Variants in PRKN observed in about 807,000 individuals in gnomAD.
PRKN encodes parkin RBR E3 ubiquitin protein ligase, also known as E3 ubiquitin-protein ligase parkin.
A neutral mutation model predicts 59.5 loss-of-function variants in PRKN; 56 were observed. The ratio of observed to expected loss-of-function variants is 0.94; its 90% CI spans 0.76 to 1.18. PRKN has a LOEUF of 1.18. PRKN is among the 50% of genes most tolerant of loss of function. The pLI, the probability that PRKN is intolerant of heterozygous loss-of-function variation, is 0.00. For missense variants in PRKN, 657 were observed against 596.4 expected (o/e 1.10, Z -1.06); for synonymous variants, 250 against 222.1 (o/e 1.13, Z -1.12).
intron 2 of PRKN, among the ~76,000 whole-genome samples, chr6:162,390,392 TATATAC>T (rs1178041442): frequency 1.9e-4 from 24 of 123,508 alleles, no homozygotes; most frequent in African/African-American, 7.4e-4. Flanking sequence ...TATATATATA[TATATAC>T]ACACACACAC....
rs369983073 is a variant in PRKN, at chr6:162,460,619, C to T, written c.8-17146G>A. ...ACCCATCACTTATTAAAGTACTTGGCAAAACACTGTGACTTAGTACTTTTG... is the reference window on the plus strand; with the variant it reads ...ACCCATCACTTATTAAAGTACTTGGTAAAACACTGTGACTTAGTACTTTTG... On this transcript the variant is annotated intron_variant, in intron 1 of 11. Coordinates refer to ENST00000366898, the MANE Select transcript of PRKN (RefSeq NM_004562.3). Among the ~76,000 whole-genome samples, 46 of 152,272 alleles carry T rather than the reference C, an allele frequency of 3.0e-4. 1 individual carries two copies. Among genetic ancestry groups the T allele is most frequent in the African/African-American group, 1.1e-3 (44 of 41,560 alleles).
chr6:161,943,566 T>A (rs1490189598), intron 6 of PRKN, among the ~76,000 whole-genome samples: 2 of 152,242 alleles, frequency 1.3e-5, no homozygotes, highest in African/African-American at 4.8e-5. Flanking sequence ...AATCCTGAAA[T>A]AAAGTCAAAT....
intron 1 of PRKN, among the ~76,000 whole-genome samples, chr6:162,516,528 G>C (rs912575926): frequency 6.6e-6 from 1 of 152,144 alleles, no homozygotes; most frequent in African/African-American, 2.4e-5. Flanking sequence ...GAGGTGGGCG[G>C]ATCACTTGAG....
chr6:162,559,662 A>C (rs551403660), intron 1 of PRKN, among the ~76,000 whole-genome samples: 1 of 152,332 alleles, frequency 6.6e-6, no homozygotes, highest in South Asian at 2.1e-4. Context: ...AGCAATGGCC[A>C]CCACAAAGCT....
At chr6:161,973,532 T>C (rs1780908017) in intron 5 of PRKN, 115 bp from the exon 6 acceptor site, 3 of 709,116 alleles carry the variant, frequency 4.2e-6, no homozygotes, top group Non-Finnish European at 7.6e-6. Context: ...TTACGAGGTG[T>C]GAGATGGAAA....
At chr6:162,366,513 C>A (rs77345852) in intron 2 of PRKN, among the ~76,000 whole-genome samples, 1,635 of 152,116 alleles carry the variant, frequency 0.011, 32 homozygotes, top group African/African-American at 0.037. Context: ...AAAATCACCC[C>A]AATAGAAACT....
chr6:161,370,508 C>T (rs991050116), intron 10 of PRKN, among the ~76,000 whole-genome samples: 9 of 144,266 alleles, frequency 6.2e-5, no homozygotes, highest in Admixed American at 2.9e-4. Flanking sequence ...GGGAGAATGA[C>T]GTGAACCTGG....
At chr6:161,585,694 C>T (rs1781498001) in intron 7 of PRKN, among the ~76,000 whole-genome samples, 1 of 152,154 alleles carries the variant, frequency 6.6e-6, no homozygotes, top group Non-Finnish European at 1.5e-5. Context: ...GGCTTTGTTG[C>T]AGAAGTTTGG....
intron 8 of PRKN, among the ~76,000 whole-genome samples, chr6:161,565,012 A>C (rs1285167762): frequency 6.6e-6 from 1 of 151,792 alleles, no homozygotes; most frequent in Non-Finnish European, 1.5e-5. Flanking sequence ...AAATCCCGAA[A>C]ATTCTTTGAG....
chr6:162,055,995 ATG>A (rs1777844156), intron 4 of PRKN, among the ~76,000 whole-genome samples: 1 of 37,724 alleles, frequency 2.7e-5, no homozygotes, highest in Non-Finnish European at 9.0e-5. Flanking sequence ...ACACTCAGGC[ATG>A]CACGCACACA....
intron 1 of PRKN, among the ~76,000 whole-genome samples, chr6:162,670,058 T>C (rs1398267799): frequency 6.6e-6 from 1 of 152,230 alleles, no homozygotes; most frequent in African/African-American, 2.4e-5. Context: ...AACCTAAAAG[T>C]ATCCTTGGTA....
intron 7 of PRKN, among the ~76,000 whole-genome samples, chr6:161,704,794 C>T (rs564906972): frequency 1.1e-4 from 16 of 152,238 alleles, no homozygotes; most frequent in Non-Finnish European, 1.5e-4. Context: ...AGGGCTCAAA[C>T]GTTGCAATGA....
chr6:161,676,420 G>A (rs981710830), intron 7 of PRKN, among the ~76,000 whole-genome samples: 2 of 152,184 alleles, frequency 1.3e-5, no homozygotes, highest in Admixed American at 1.3e-4. Flanking sequence ...CAGCAAACTG[G>A]CTCTGATCTA....
chr6:162,042,913 TAGTA>T (rs1294469346), intron 5 of PRKN, among the ~76,000 whole-genome samples: 1 of 152,184 alleles, frequency 6.6e-6, no homozygotes, highest in East Asian at 1.9e-4. Context: ...GGTAAGAAAT[TAGTA>T]AGTTAGATAA....
chr6:161,720,495 G>C (rs1787172619), intron 7 of PRKN, among the ~76,000 whole-genome samples: 1 of 150,706 alleles, frequency 6.6e-6, no homozygotes, highest in South Asian at 2.1e-4. Flanking sequence ...CCACATTTCA[G>C]AGGGCACTGA....
chr6:162,260,915 T>C (rs946121232), intron 3 of PRKN, among the ~76,000 whole-genome samples: 1 of 152,062 alleles, frequency 6.6e-6, no homozygotes, highest in African/African-American at 2.4e-5. Flanking sequence ...GGAACAAACA[T>C]AGTAAATATA....
At chr6:161,744,465 C>T (rs1788329795) in intron 7 of PRKN, among the ~76,000 whole-genome samples, 1 of 152,162 alleles carries the variant, frequency 6.6e-6, no homozygotes, top group Non-Finnish European at 1.5e-5. Flanking sequence ...GTGCCTCCTG[C>T]TGTGCGGGCT....
At chr6:162,029,435 T>C (rs1358513538) in intron 5 of PRKN, among the ~76,000 whole-genome samples, 1 of 152,186 alleles carries the variant, frequency 6.6e-6, no homozygotes, top group Non-Finnish European at 1.5e-5. Context: ...GATGTGGCTT[T>C]CACATCCTTG....
At chr6:161,712,456 G>T (rs1786789605) in intron 7 of PRKN, among the ~76,000 whole-genome samples, 1 of 152,014 alleles carries the variant, frequency 6.6e-6, no homozygotes, top group Non-Finnish European at 1.5e-5. Context: ...TCCAGTATTA[G>T]AATCCATTTT....
Sources: allele counts gnomAD v4.1 joint callset (sites outside exome capture counted in the v4.1 genomes callset), GRCh38; gene constraint gnomAD v4.1.1; transcripts MANE v1.5; gene names NCBI Gene and HGNC (gene_info 2026-07-23, HGNC 2026-07-21).